STARD13: variants seen among roughly 807,000 people sequenced by gnomAD.
STARD13 encodes StAR related lipid transfer domain containing 13.
A neutral mutation model predicts 106.4 loss-of-function variants in STARD13; 62 were observed. The observed-to-expected ratio is 0.58, with a 90% CI of 0.48 to 0.72. The LOEUF (loss-of-function observed/expected upper bound fraction) is 0.72. Among genes scored for constraint, STARD13 ranks in the 30% least tolerant of loss-of-function variants. The pLI is 0.00. For synonymous variants in STARD13, 565 were observed against 553.0 expected, an observed-to-expected ratio of 1.02 and a Z score of -0.31; for missense variants, 1,387 against 1,424.0, an observed-to-expected ratio of 0.97 and a Z score of 0.42.
At chr13:33,249,999 C>T (rs954438203) in intron 1 of STARD13, among the ~76,000 whole-genome samples, 1 of 152,098 alleles carries the variant, frequency 6.6e-6, no homozygotes, top group African/African-American at 2.4e-5. Flanking sequence ...CTACGTTGCT[C>T]AGGCTGGTCT....
intron 1 of STARD13, among the ~76,000 whole-genome samples, chr13:33,296,124 G>A (rs115037438): frequency 0.011 from 1,710 of 152,012 alleles, 28 homozygotes; most frequent in African/African-American, 0.039. Context: ...AGCTGCTCAC[G>A]AGGTTGAGGC....
intron 1 of STARD13, among the ~76,000 whole-genome samples, chr13:33,301,859 C>T (rs1012664395): frequency 5.7e-5 from 8 of 141,376 alleles, no homozygotes; most frequent in Admixed American, 1.5e-4. Flanking sequence ...TGAGCCACCG[C>T]GCCCGGCCTC....
At chr13:33,195,568 G>C (rs952713821) in intron 1 of STARD13, among the ~76,000 whole-genome samples, 6 of 152,170 alleles carry the variant, frequency 3.9e-5, no homozygotes, top group Non-Finnish European at 8.8e-5. Flanking sequence ...CGCATGGACA[G>C]AAACCAGCCA....
At chr13:33,439,630 G>A in the STARD13 span, 1 of 889,050 alleles carries the variant, frequency 1.1e-6, no homozygotes, top group Non-Finnish European at 1.6e-6. Flanking sequence ...TAGGGATGAG[G>A]CAAAGCTCTC....
chr13:33,599,373 T>A, the STARD13 span, among the ~76,000 whole-genome samples: 1 of 152,218 alleles, frequency 6.6e-6, no homozygotes. Flanking sequence ...AGGATCTCAG[T>A]AACACCATAA....
the STARD13 span, among the ~76,000 whole-genome samples, chr13:33,628,115 T>C: frequency 3.3e-5 from 5 of 150,972 alleles, no homozygotes; most frequent in African/African-American, 9.8e-5. Flanking sequence ...GATAAATATA[T>C]CTTTTTTCAT....
At chr13:33,576,967 T>C in the STARD13 span, among the ~76,000 whole-genome samples, 1 of 152,204 alleles carries the variant, frequency 6.6e-6, no homozygotes, top group Non-Finnish European at 1.5e-5. Flanking sequence ...AATGCACTGA[T>C]CTTTAAAAAA....
At chr13:33,400,880 G>A in the STARD13 span, among the ~76,000 whole-genome samples, 1 of 150,514 alleles carries the variant, frequency 6.6e-6, no homozygotes, top group African/African-American at 2.4e-5. Flanking sequence ...AATAAAATTG[G>A]TTTTTAAAAA....
At chr13:33,544,211 A>G in the STARD13 span, among the ~76,000 whole-genome samples, 3 of 152,132 alleles carry the variant, frequency 2.0e-5, no homozygotes, top group African/African-American at 4.8e-5. Context: ...AGTCTTTTGC[A>G]TTTCCTCAAG....
At chr13:33,311,793 C>T (rs539738477) in intron 1 of STARD13, among the ~76,000 whole-genome samples, 4 of 152,276 alleles carry the variant, frequency 2.6e-5, no homozygotes, top group Admixed American at 1.3e-4. Flanking sequence ...GGCAGGCAGC[C>T]GTGAGAGAAG....
intron 1 of STARD13, among the ~76,000 whole-genome samples, chr13:33,245,440 T>C (rs1326161122): frequency 6.6e-6 from 1 of 152,256 alleles, no homozygotes; most frequent in East Asian, 1.9e-4. Flanking sequence ...CTAGCTGTAA[T>C]TGAATCATTT....
the STARD13 span, among the ~76,000 whole-genome samples, chr13:33,465,355 G>A: frequency 2.0e-5 from 3 of 151,654 alleles, no homozygotes; most frequent in African/African-American, 4.8e-5. Context: ...ACAGGTGCCC[G>A]CCACCACGCC....
chr13:33,551,637 C>T, the STARD13 span, among the ~76,000 whole-genome samples: 1 of 108,580 alleles, frequency 9.2e-6, no homozygotes, highest in African/African-American at 3.6e-5. Context: ...CTCACTCTGT[C>T]AGCCAGGCTG....
At chr13:33,443,649 G>A in the STARD13 span, among the ~76,000 whole-genome samples, 1 of 152,054 alleles carries the variant, frequency 6.6e-6, no homozygotes, top group East Asian at 1.9e-4. Context: ...ACTTTCGGAG[G>A]CCAAGGTGGG....
the STARD13 span, among the ~76,000 whole-genome samples, chr13:33,615,966 T>G: frequency 6.6e-6 from 1 of 152,368 alleles, no homozygotes; most frequent in South Asian, 2.1e-4. Flanking sequence ...ATGAATCAGC[T>G]TGATGTTGAG....
the STARD13 span, among the ~76,000 whole-genome samples, chr13:33,402,684 G>A: frequency 6.6e-6 from 1 of 152,264 alleles, no homozygotes; most frequent in Non-Finnish European, 1.5e-5. Flanking sequence ...CAGAGGAGCA[G>A]ATAAGGAGAT....
intron 3 of STARD13, among the ~76,000 whole-genome samples, chr13:33,161,445 G>C (rs1882613560): frequency 6.6e-6 from 1 of 152,010 alleles, no homozygotes; most frequent in African/African-American, 2.4e-5. Context: ...TTCCCAAGTA[G>C]CTGGAACTAC....
At position 33,112,843 on chromosome 13, in the gene STARD13, C is replaced by T. The variant is rs184034657; in HGVS notation, c.2370G>A (p.Leu790=). 3.7e-6 allele frequency: 6 copies of T among 1,613,906 alleles called. No homozygotes were observed. Among genetic ancestry groups the T allele is most frequent in the Non-Finnish European group, 3.4e-6 (4 of 1,179,958 alleles). ...DENREVLQTL[L]CFLNDVVNLV... Reference sequence around the variant, plus strand: ...AGTTGACGACGTCGTTCAGGAAACACAAGAGCGTCTGCAGGACCTCCCTGT... The same window carrying T: ...AGTTGACGACGTCGTTCAGGAAACATAAGAGCGTCTGCAGGACCTCCCTGT... Residue 790 remains leucine (L), a synonymous_variant, in exon 9 of 14, where the codon TTG becomes TTA. Transcript: ENST00000336934.
chr13:33,179,008 G>C (rs909628378), intron 1 of STARD13, among the ~76,000 whole-genome samples: 1 of 151,938 alleles, frequency 6.6e-6, no homozygotes, highest in East Asian at 1.9e-4. Flanking sequence ...TTTTGTACAG[G>C]GTTCATGTTA....
Sources: allele counts gnomAD v4.1 joint callset (sites outside exome capture counted in the v4.1 genomes callset), GRCh38; gene constraint gnomAD v4.1.1; transcripts MANE v1.5; gene names NCBI Gene and HGNC (gene_info 2026-07-23, HGNC 2026-07-21).